OR1J2: variants seen among roughly 807,000 people sequenced by gnomAD.
The protein encoded by OR1J2 is olfactory receptor family 1 subfamily J member 2, also known as olfactory receptor 1J2.
For missense variants in OR1J2, 304 were observed against 246.1 expected, an observed-to-expected ratio of 1.24 and a Z score of -1.57; for synonymous variants, 142 against 99.7, an observed-to-expected ratio of 1.42 and a Z score of -2.52.
At chr9:122,486,846 T>C in the OR1J2 span, among the ~76,000 whole-genome samples, 1 of 152,356 alleles carries the variant, frequency 6.6e-6, no homozygotes, top group South Asian at 2.1e-4. Flanking sequence ...AGAGCATTGA[T>C]GGAAAAGACA....
At chr9:122,494,750 A>G in the OR1J2 span, among the ~76,000 whole-genome samples, 427 of 151,868 alleles carry the variant, frequency 2.8e-3, 1 homozygote, top group Middle Eastern at 0.01. Flanking sequence ...ACTTGGTTTT[A>G]TTTTCATGGT....
the OR1J2 span, among the ~76,000 whole-genome samples, chr9:122,458,597 A>G: frequency 1.3e-5 from 2 of 152,196 alleles, no homozygotes; most frequent in African/African-American, 4.8e-5. Flanking sequence ...GCCCTTTATA[A>G]AACCATCGTA....
the OR1J2 span, among the ~76,000 whole-genome samples, chr9:122,540,856 G>A: frequency 2.6e-5 from 4 of 152,056 alleles, no homozygotes; most frequent in Admixed American, 2.6e-4. Flanking sequence ...GGATTCCTAG[G>A]TATTTTATTC....
chr9:122,486,239 C>T, the OR1J2 span, among the ~76,000 whole-genome samples: 3 of 152,128 alleles, frequency 2.0e-5, no homozygotes, highest in African/African-American at 7.2e-5. Flanking sequence ...GGATTACAGG[C>T]ATGAACCGCT....
chr9:122,495,973 C>T, the OR1J2 span, among the ~76,000 whole-genome samples: 10 of 152,142 alleles, frequency 6.6e-5, no homozygotes, highest in African/African-American at 2.4e-4. Flanking sequence ...TTTAGCCATG[C>T]AGTGGAGCTA....
chr9:122,557,360 T>TA, the OR1J2 span, among the ~76,000 whole-genome samples: 1 of 152,150 alleles, frequency 6.6e-6, no homozygotes, highest in Non-Finnish European at 1.5e-5. Flanking sequence ...CTGTAGTTTT[T>TA]AAAATAGATA....
At chr9:122,461,834 A>G in the OR1J2 span, among the ~76,000 whole-genome samples, 1 of 152,190 alleles carries the variant, frequency 6.6e-6, no homozygotes, top group African/African-American at 2.4e-5. Flanking sequence ...TTTGTGGTCT[A>G]TCATATGGTC....
chr9:122,476,523 A>G, the OR1J2 span, among the ~76,000 whole-genome samples: 5 of 152,344 alleles, frequency 3.3e-5, no homozygotes, highest in African/African-American at 1.2e-4. Context: ...CTATTCCCTC[A>G]AACAGATGCA....
downstream of OR1J2, among the ~76,000 whole-genome samples, chr9:122,514,949 T>G (rs939068343): frequency 6.6e-6 from 1 of 152,196 alleles, no homozygotes; most frequent in Non-Finnish European, 1.5e-5. Flanking sequence ...ACCTGATCTT[T>G]AACAAGCTCC....
the OR1J2 span, among the ~76,000 whole-genome samples, chr9:122,552,535 A>C: frequency 6.6e-6 from 1 of 151,436 alleles, no homozygotes; most frequent in Non-Finnish European, 1.5e-5. Flanking sequence ...TCCTATTTGT[A>C]TGCGTGTGTG....
chr9:122,488,879 AGTTCTGGG>A, the OR1J2 span, among the ~76,000 whole-genome samples: 1 of 150,990 alleles, frequency 6.6e-6, no homozygotes, highest in African/African-American at 2.4e-5. Context: ...TTATACTCTA[AGTTCTGGG>A]GTACATGTGC....
the OR1J2 span, among the ~76,000 whole-genome samples, chr9:122,563,407 CTTTT>C: frequency 2.0e-5 from 3 of 152,082 alleles, no homozygotes; most frequent in Non-Finnish European, 4.4e-5. Flanking sequence ...TAGATGTCTT[CTTTT>C]AAGAAATATC....
chr9:122,501,906 A>G, the OR1J2 span, among the ~76,000 whole-genome samples: 1 of 152,344 alleles, frequency 6.6e-6, no homozygotes, highest in East Asian at 1.9e-4. Context: ...ATCACCTGGT[A>G]ACTGAAGCTG....
At chr9:122,553,335 A>G in the OR1J2 span, 2 of 1,614,016 alleles carry the variant, frequency 1.2e-6, no homozygotes, top group South Asian at 2.2e-5. Flanking sequence ...CCTGGTCACC[A>G]TGGTGGGGAA....
chr9:122,553,504 C>A, the OR1J2 span: 3 of 1,614,032 alleles, frequency 1.9e-6, no homozygotes, highest in Non-Finnish European at 2.5e-6. Flanking sequence ...ATCTCGTATT[C>A]TGGGTGTCTT....
At chr9:122,487,458 AACACAC>A in the OR1J2 span, among the ~76,000 whole-genome samples, 1,327 of 149,072 alleles carry the variant, frequency 8.9e-3, 15 homozygotes, top group African/African-American at 0.03. Context: ...GGAGATGATT[AACACAC>A]ACACACACAC....
the OR1J2 span, among the ~76,000 whole-genome samples, chr9:122,537,809 G>C: frequency 6.6e-6 from 1 of 152,132 alleles, no homozygotes; most frequent in African/African-American, 2.4e-5. Context: ...AGAAGCACAA[G>C]GTTAATAGGC....
chr9:122,579,530 T>C, the OR1J2 span, among the ~76,000 whole-genome samples: 4 of 152,170 alleles, frequency 2.6e-5, no homozygotes, highest in Non-Finnish European at 4.4e-5. Flanking sequence ...ATGAGGTTCT[T>C]ATACATTCTA....
chr9:122,518,668 C>T, the OR1J2 span, among the ~76,000 whole-genome samples: 3 of 152,046 alleles, frequency 2.0e-5, no homozygotes, highest in Non-Finnish European at 4.4e-5. Context: ...AAAACTTTGG[C>T]TGTTTATCTT....
Sources: allele counts gnomAD v4.1 joint callset (sites outside exome capture counted in the v4.1 genomes callset), GRCh38; gene constraint gnomAD v4.1.1; transcripts MANE v1.5; gene names NCBI Gene and HGNC (gene_info 2026-07-23, HGNC 2026-07-21).